Variants in SNTG1 observed in about 807,000 individuals in gnomAD.
The protein encoded by SNTG1 is gamma-1-syntrophin.
Under a neutral mutation model 74.7 loss-of-function variants are expected in SNTG1, and 39 were observed. The ratio of observed to expected loss-of-function variants is 0.52; its 90% CI spans 0.40 to 0.68. The LOEUF is 0.68. SNTG1 is among the 30% of genes least tolerant of loss of function. The pLI is 0.00. For missense variants in SNTG1, 685 were observed against 609.5 expected (o/e 1.12, Z -1.30); for synonymous variants, 254 against 217.1 (o/e 1.17, Z -1.49).
intron 5 of SNTG1, among the ~76,000 whole-genome samples, chr8:50,439,273 G>GCAA (rs1453361287): frequency 2.0e-5 from 3 of 152,070 alleles, no homozygotes; most frequent in Admixed American, 2.0e-4. Context: ...TCTCATGACT[G>GCAA]CAATGCCTTT....
chr8:50,713,644 T>G (rs1424930688), intron 17 of SNTG1, among the ~76,000 whole-genome samples: 1 of 151,244 alleles, frequency 6.6e-6, no homozygotes, highest in African/African-American at 2.5e-5. Flanking sequence ...CAGTCTTATA[T>G]TTAAGTCTTA....
intron 13 of SNTG1, among the ~76,000 whole-genome samples, chr8:50,615,800 G>C (rs780576454): frequency 2.2e-4 from 34 of 152,212 alleles, no homozygotes; most frequent in Non-Finnish European, 4.6e-4. Context: ...GTAGGAAACA[G>C]ACACCACATC....
At chr8:50,484,432 C>T (rs2131836958) in intron 8 of SNTG1, among the ~76,000 whole-genome samples, 1 of 151,658 alleles carries the variant, frequency 6.6e-6, no homozygotes, top group South Asian at 2.1e-4. Flanking sequence ...TCAGGCTGGT[C>T]TCAAACTCAT....
chr8:50,123,162 C>A (rs890219950), intron 1 of SNTG1, among the ~76,000 whole-genome samples: 1 of 142,606 alleles, frequency 7.0e-6, no homozygotes, highest in Non-Finnish European at 1.6e-5. Context: ...TCACTTCAAA[C>A]CTGATTTGTC....
chr8:50,058,734 TTGTGTG>T (rs71235777), intron 1 of SNTG1, among the ~76,000 whole-genome samples: 55 of 145,762 alleles, frequency 3.8e-4, no homozygotes, highest in Middle Eastern at 3.6e-3. Context: ...TTACTTACAT[TTGTGTG>T]TGTGTGTGTG....
intron 1 of SNTG1, among the ~76,000 whole-genome samples, chr8:49,960,738 T>C (rs1810605475): frequency 6.6e-6 from 1 of 152,138 alleles, no homozygotes; most frequent in Admixed American, 6.6e-5. Flanking sequence ...ATCTGGGTCT[T>C]GTTCCAACTC....
chr8:49,916,071 A>AATG (rs1276610713), intron 1 of SNTG1, among the ~76,000 whole-genome samples: 1 of 152,178 alleles, frequency 6.6e-6, no homozygotes, highest in African/African-American at 2.4e-5. Flanking sequence ...AATATAAGTC[A>AATG]ATGTTTGGTG....
At chr8:50,030,917 C>T (rs1817692298) in intron 1 of SNTG1, among the ~76,000 whole-genome samples, 1 of 151,844 alleles carries the variant, frequency 6.6e-6, no homozygotes, top group Non-Finnish European at 1.5e-5. Flanking sequence ...AACCTGTATA[C>T]ACATTTGTAG....
chr8:50,687,950 C>G (rs1448226406), intron 15 of SNTG1, among the ~76,000 whole-genome samples: 1 of 152,148 alleles, frequency 6.6e-6, no homozygotes, highest in African/African-American at 2.4e-5. Context: ...TCGCCATTCT[C>G]ACTGGTGTTA....
chr8:50,339,157 A>T (rs2091242380), intron 2 of SNTG1, among the ~76,000 whole-genome samples: 1 of 152,052 alleles, frequency 6.6e-6, no homozygotes, highest in African/African-American at 2.4e-5. Flanking sequence ...AAATGTTGAA[A>T]ATTTCATTAA....
intron 2 of SNTG1, among the ~76,000 whole-genome samples, chr8:50,283,466 T>G (rs1428291747): frequency 6.6e-6 from 1 of 152,200 alleles, no homozygotes; most frequent in Non-Finnish European, 1.5e-5. Context: ...GTCTGATGAA[T>G]GTACATTATA....
At chr8:50,089,186 G>A (rs998501590) in intron 1 of SNTG1, among the ~76,000 whole-genome samples, 3 of 152,004 alleles carry the variant, frequency 2.0e-5, no homozygotes, top group Non-Finnish European at 2.9e-5. Context: ...ATGGGGCTGG[G>A]AAAACTGGCT....
At chr8:50,000,905 A>G in intron 1 of SNTG1, among the ~76,000 whole-genome samples, 1 of 152,334 alleles carries the variant, frequency 6.6e-6, no homozygotes, top group Non-Finnish European at 1.5e-5. Flanking sequence ...GGCCCTCTGA[A>G]AACATCAGAG....
At chr8:50,700,736 AT>A (rs1164350375) in intron 15 of SNTG1, among the ~76,000 whole-genome samples, 1 of 152,118 alleles carries the variant, frequency 6.6e-6, no homozygotes, top group Non-Finnish European at 1.5e-5. Context: ...CTTCCTTAGC[AT>A]GTTACCTCTA....
intron 13 of SNTG1, among the ~76,000 whole-genome samples, chr8:50,604,034 G>A (rs1585819861): frequency 6.6e-6 from 1 of 152,212 alleles, no homozygotes; most frequent in African/African-American, 2.4e-5. Flanking sequence ...AAGCCAGCAA[G>A]GGTAATGTCT....
rs567335161 is a variant in SNTG1, at chr8:50,172,795, C to G, written c.-28+160C>G. Among the ~76,000 whole-genome samples the G allele has an allele frequency of 4.0e-5, 6 of 150,588 alleles. No individual in the cohort carries two copies. The South Asian group carries it at 1.1e-3, about 26-fold the overall frequency. On this transcript the variant is annotated intron_variant, in intron 2 of 18. Coordinates refer to ENST00000642720, the MANE Select transcript of SNTG1 (RefSeq NM_018967.5). ...AAATGACAAAAAAAAAAAACAAAAC[C>G]TCTTGTTATGGAAGCAGTAGAAATA...
At chr8:50,228,531 A>G (rs916429157) in intron 2 of SNTG1, among the ~76,000 whole-genome samples, 1 of 151,950 alleles carries the variant, frequency 6.6e-6, no homozygotes, top group South Asian at 2.1e-4. Context: ...AATAAACCAG[A>G]GGAAAAAACT....
chr8:50,427,952 T>G (rs1165260307), intron 4 of SNTG1, among the ~76,000 whole-genome samples: 2 of 152,054 alleles, frequency 1.3e-5, no homozygotes, highest in Non-Finnish European at 2.9e-5. Flanking sequence ...AACAGTAGAT[T>G]AGACAAAAGG....
At chr8:50,266,377 T>C (rs1359492070) in intron 2 of SNTG1, among the ~76,000 whole-genome samples, 1 of 152,028 alleles carries the variant, frequency 6.6e-6, no homozygotes, top group Non-Finnish European at 1.5e-5. Flanking sequence ...CAACTAGTTA[T>C]ACGTAAGCAA....
Sources: allele counts gnomAD v4.1 joint callset (sites outside exome capture counted in the v4.1 genomes callset), GRCh38; gene constraint gnomAD v4.1.1; transcripts MANE v1.5; gene names NCBI Gene and HGNC (gene_info 2026-07-23, HGNC 2026-07-21).